Variants in MSRA observed in about 807,000 individuals in gnomAD.
MSRA encodes the protein mitochondrial peptide methionine sulfoxide reductase.
A neutral mutation model predicts 31.3 loss-of-function variants in MSRA; 54 were observed. The ratio of observed to expected loss-of-function variants is 1.73; its 90% CI spans 1.39 to 2.17. The LOEUF (loss-of-function observed/expected upper bound fraction) is 2.17, where lower values mean the gene tolerates loss of function less well. Ranked by LOEUF, MSRA falls within the 30% of genes most tolerant of loss-of-function variation. MSRA has a pLI of 0.00. For missense variants in MSRA, 507 were observed against 300.9 expected, an observed-to-expected ratio of 1.69 and a Z score of -5.07; for synonymous variants, 169 against 116.5, an observed-to-expected ratio of 1.45 and a Z score of -2.90.
chr8:10,340,658 C>T (rs1290474545), intron 5 of MSRA, among the ~76,000 whole-genome samples: 1 of 152,234 alleles, frequency 6.6e-6, no homozygotes, highest in Admixed American at 6.5e-5. Context: ...CAGGCATGAG[C>T]CACTGTGTCC....
intron 1 of MSRA, among the ~76,000 whole-genome samples, chr8:10,142,484 G>A (rs1802803411): frequency 6.6e-6 from 1 of 152,202 alleles, no homozygotes; most frequent in African/African-American, 2.4e-5. Flanking sequence ...GGAAAGCCAT[G>A]GATCAATCTC....
At chr8:10,111,690 G>C (rs542787506) in intron 1 of MSRA, among the ~76,000 whole-genome samples, 2 of 152,348 alleles carry the variant, frequency 1.3e-5, no homozygotes, top group South Asian at 2.1e-4. Context: ...TATTGGGCTA[G>C]TATTGCATGA....
chr8:10,094,867 A>G (rs1380772503), intron 1 of MSRA, among the ~76,000 whole-genome samples: 1 of 152,256 alleles, frequency 6.6e-6, no homozygotes, highest in South Asian at 2.1e-4. Context: ...ATGAAAAGAT[A>G]CTTGCTGTTA....
intron 5 of MSRA, among the ~76,000 whole-genome samples, chr8:10,345,499 C>A (rs1803714105): frequency 6.6e-6 from 1 of 152,186 alleles, no homozygotes; most frequent in Non-Finnish European, 1.5e-5. Flanking sequence ...CACACATACA[C>A]AGACACACAC....
intron 1 of MSRA, among the ~76,000 whole-genome samples, chr8:10,140,500 G>A (rs2129030680): frequency 6.6e-6 from 1 of 152,240 alleles, no homozygotes; most frequent in South Asian, 2.1e-4. Flanking sequence ...TGATCTACGA[G>A]ATTTGGAATT....
chr8:10,086,413 A>G (rs796740243), intron 1 of MSRA, among the ~76,000 whole-genome samples: 24 of 152,364 alleles, frequency 1.6e-4, no homozygotes, highest in African/African-American at 5.8e-4. Context: ...ACCGTTAAGT[A>G]GGAAGTTGGA....
chr8:10,225,787 G>A (rs772584244), intron 2 of MSRA, among the ~76,000 whole-genome samples: 17 of 152,222 alleles, frequency 1.1e-4, no homozygotes, highest in Non-Finnish European at 1.9e-4. Context: ...GGGATGCAGG[G>A]TGCAGGTGCT....
At chr8:10,424,446 G>A (rs1348623865) in intron 5 of MSRA, among the ~76,000 whole-genome samples, 1 of 151,230 alleles carries the variant, frequency 6.6e-6, no homozygotes. Flanking sequence ...GGGTGGAGCA[G>A]GAATGGGGAG....
chr8:10,207,862 G>C lies in MSRA; in HGVS notation c.172G>C (p.Val58Leu). Residue 58 changes from valine to leucine, a missense_variant, in exon 2 of 6, where the codon GTC becomes CTC. By Grantham distance (32) the Val-to-Leu change is conservative. Transcript: ENST00000317173. ...AKHHVNGNRT[V>L]EPFPEGTQMA... ...ACATCATGTCAATGGCAACAGAACA[G>C]TCGAACCTTTCCCAGAGGGAACACA... 4.3e-6 allele frequency: 7 copies of C among 1,611,618 alleles called. No homozygotes were observed. The highest frequency in any genetic ancestry group is 5.9e-6 in the Non-Finnish European group (7 of 1,179,038).
intron 5 of MSRA, among the ~76,000 whole-genome samples, chr8:10,321,024 C>T (rs1802017235): frequency 6.6e-6 from 1 of 152,138 alleles, no homozygotes; most frequent in African/African-American, 2.4e-5. Context: ...CACGATTCAA[C>T]CCATAACACT....
chr8:10,411,163 C>G (rs1157850781), intron 5 of MSRA: 1 of 152,200 alleles, frequency 6.6e-6, no homozygotes, highest in Non-Finnish European at 1.5e-5. Context: ...CCAGAGTCCT[C>G]CGAAGACGCC....
chr8:10,157,558 G>T (rs902511181), intron 1 of MSRA, among the ~76,000 whole-genome samples: 4 of 152,004 alleles, frequency 2.6e-5, no homozygotes, highest in African/African-American at 9.7e-5. Context: ...GTTATTAGGG[G>T]TCTGTAGGCA....
rs532753757 is a variant in MSRA at position 10,122,004 on chromosome 8, G to A, written c.142+67346G>A. ...GTTTTGTAGGACTTTTAGAAAACATGGGGTTGTGCCTTTGGCCACACGCAT... is the reference window on the plus strand; with the variant it reads ...GTTTTGTAGGACTTTTAGAAAACATAGGGTTGTGCCTTTGGCCACACGCAT... On this transcript the variant is annotated intron_variant, in intron 1 of 5. Coordinates refer to ENST00000317173, the MANE Select transcript of MSRA (RefSeq NM_012331.5). 1.9e-4 allele frequency among the ~76,000 whole-genome samples: 29 copies of A among 152,178 alleles called. No individual in the cohort carries two copies. In the South Asian group the frequency reaches 5.4e-3, roughly 28 times the overall value.
At chr8:10,328,304 A>G (rs1304426227) in intron 5 of MSRA, among the ~76,000 whole-genome samples, 1 of 131,504 alleles carries the variant, frequency 7.6e-6, no homozygotes, top group Non-Finnish European at 1.5e-5. Flanking sequence ...AACTTGCCTA[A>G]CTAAGCAAGA....
intron 5 of MSRA, among the ~76,000 whole-genome samples, chr8:10,384,292 T>G (rs1427453408): frequency 6.6e-6 from 1 of 152,152 alleles, no homozygotes; most frequent in Non-Finnish European, 1.5e-5. Context: ...GTCAAATCCA[T>G]TGAGAGATGC....
At chr8:10,054,721 G>T in intron 1 of MSRA, 63 bp downstream of exon 1, 9 of 1,392,694 alleles carry the variant, frequency 6.5e-6, no homozygotes, top group Non-Finnish European at 8.5e-6. Context: ...TTTGCCCGGC[G>T]GCAGCGCGCC....
intron 3 of MSRA, among the ~76,000 whole-genome samples, chr8:10,260,471 G>A (rs1202248474): frequency 1.3e-5 from 2 of 152,200 alleles, no homozygotes; most frequent in Non-Finnish European, 2.9e-5. Flanking sequence ...ACGTACACAA[G>A]CGAGGCAGCA....
At chr8:10,148,830 CAA>C (rs111353661) in intron 1 of MSRA, among the ~76,000 whole-genome samples, 1,681 of 134,560 alleles carry the variant, frequency 0.012, 72 homozygotes, top group Admixed American at 0.086. Flanking sequence ...AACTCTGTCT[CAA>C]AAAAAAAAAA....
chr8:10,074,090 T>TTTTTTTTTTTTTG (rs1797874697), intron 1 of MSRA, among the ~76,000 whole-genome samples: 1 of 101,584 alleles, frequency 9.8e-6, no homozygotes, highest in African/African-American at 3.5e-5. Flanking sequence ...TTTTTTTTTT[T>TTTTTTTTTTTTTG]TTTTTTTTAT....
Sources: gnomAD v4.1 joint callset for allele counts (sites outside exome capture counted in the v4.1 genomes callset) on GRCh38, gnomAD v4.1.1 for gene constraint, MANE v1.5 for transcripts, NCBI Gene and HGNC (gene_info 2026-07-23, HGNC 2026-07-21) for gene names.